Variants in CD74 observed in about 807,000 individuals in gnomAD.
CD74 encodes the protein CD74 molecule.
CD74 carries 20 observed loss-of-function variants against 37.1 expected under a neutral mutation model. The observed-to-expected ratio is 0.54, with a 90% confidence interval of 0.38 to 0.78. CD74 has a LOEUF of 0.78. Ranked by LOEUF, CD74 falls within the 30% of genes least tolerant of loss-of-function variation. The pLI, the probability that CD74 is intolerant of heterozygous loss-of-function variation, is 0.00. For missense variants in CD74, 338 were observed against 389.5 expected (o/e 0.87, Z 1.11); for synonymous variants, 150 against 152.0 (o/e 0.99, Z 0.10).
chr5:150,409,068 A>G (rs570751512), intron 1 of CD74, among the ~76,000 whole-genome samples: 1 of 152,046 alleles, frequency 6.6e-6, no homozygotes, highest in East Asian at 1.9e-4. Context: ...AAAAAATACA[A>G]AAAACTTAGC....
chr5:150,405,297 C>T (rs1029622395), intron 4 of CD74, 117 bp from the exon 5 acceptor site: 34 of 1,427,742 alleles, frequency 2.4e-5, no homozygotes, highest in Non-Finnish European at 2.9e-5. Flanking sequence ...AGAGCTACAC[C>T]AAGCCTAAAC....
In CD74 at chr5:150,401,858, T is replaced by G; in HGVS notation, c.*382A>C. 1.4e-6 allele frequency: 1 copy of G among 689,886 alleles called. No homozygotes were observed. The highest frequency in any genetic ancestry group is 2.7e-5 in the East Asian group (1 of 37,088). The allele number at this position is 689,886 out of a possible 1,614,324, so 42.7% of individuals were successfully genotyped here. On this transcript the variant is annotated 3_prime_UTR_variant, in exon 9 of 9. Coordinates refer to ENST00000009530, the MANE Select transcript of CD74 (RefSeq NM_001025159.3). ...CCAAAGGCTGGAGGGGAGAGGACAG[T>G]CAGCATGTCCAGCCTGGGGTCTGGG... is the stretch of plus-strand genomic sequence containing the variant.
chr5:150,408,145 A>G (rs114146083), intron 1 of CD74, among the ~76,000 whole-genome samples: 3,242 of 152,030 alleles, frequency 0.021, 127 homozygotes, highest in African/African-American at 0.074. Flanking sequence ...AAGTAAGGGG[A>G]AGAGGGTTTT....
chr5:150,408,444 G>A (rs1004882294), intron 1 of CD74, among the ~76,000 whole-genome samples: 4 of 152,200 alleles, frequency 2.6e-5, no homozygotes, highest in African/African-American at 4.8e-5. Flanking sequence ...CCACCTCTGC[G>A]ATTCTAGAAT....
intron 1 of CD74, among the ~76,000 whole-genome samples, chr5:150,408,344 G>A (rs553448701): frequency 6.6e-6 from 1 of 152,146 alleles, no homozygotes; most frequent in African/African-American, 2.4e-5. Flanking sequence ...ACCCACTCTG[G>A]GGCCATCCTC....
chr5:150,407,221 G>A lies in CD74; in HGVS notation c.229C>T (p.Arg77Trp), dbSNP rs142448212. Residue 77 changes from arginine to tryptophan, a missense_variant, in exon 2 of 9, where the codon CGG becomes TGG. By Grantham distance (101) the Arg-to-Trp change is moderately radical (BLOSUM62 -3). Coordinates refer to ENST00000009530, the MANE Select transcript of CD74 (RefSeq NM_001025159.3). The surrounding 1 kb of genome is among the most constrained non-coding windows in gnomAD (Gnocchi z 4.4). The part of the protein sequence containing the change: ...TAYFLYQQQG[R>W]LDKLTVTSQN... ...GAGGTGACTGTCAGTTTGTCCAGCC[G>A]GCCCTGCTGCTGGTACAGGAAGTAG... is the stretch of plus-strand genomic sequence containing the variant. The A allele has an allele frequency of 5.5e-5, 89 of 1,613,868 alleles. 1 individual carries two copies. The Middle Eastern group carries it at 8.2e-4, about 15-fold the overall frequency.
At position 150,406,389 on chromosome 5, in the gene CD74, GGTT is replaced by G. The variant is rs1561552876; in HGVS notation, c.379-71_379-69del. The G allele has an allele frequency of 3.1e-6, 4 of 1,280,044 alleles. No homozygotes were observed. In the Admixed American group the frequency reaches 6.7e-5, roughly 22 times the overall value. 79.3% of individuals were successfully genotyped at this position (1,280,044 alleles called of 1,614,324 possible). ...GAGCAGGGGGTATGGAGCAGGAGCCGGTTGCTGGGATCTAGGTAAGAGACTGGA... is the reference window on the plus strand; with the variant it reads ...GAGCAGGGGGTATGGAGCAGGAGCCGGCTGGGATCTAGGTAAGAGACTGGA... On this transcript the variant is annotated intron_variant, in intron 3 of 8. Transcript: ENST00000009530.
chr5:150,407,156 G>A lies in CD74; in HGVS notation c.294C>T (p.Pro98=). The A allele has an allele frequency of 3.7e-6, 6 of 1,613,674 alleles. No individual in the cohort carries two copies. The South Asian group carries it at 4.4e-5, about 12-fold the overall frequency. The change falls in exon 2 of 9, where the codon CCC becomes CCT. Residue 98 remains proline, a synonymous_variant. Transcript: ENST00000009530. The surrounding 1 kb of genome is among the most constrained non-coding windows in gnomAD (Gnocchi z 4.4). ...AGGATGTAGGGGTGCACGCACGCTT[G>A]GGAAGCTTCATGCGCAGGTTCTCCA... ...LQLENLRMKL[P]KPPKPVSKMR...
Position 150,406,336 on chromosome 5 carries a change from A to G in CD74, c.379-15T>C. On this transcript the variant is annotated splice_polypyrimidine_tract_variant and intron_variant, in intron 3 of 8. Transcript: ENST00000009530. ...TTCTGCATGGGCTGTGGGAGGAAGTAACAGAAGGTTACCAGAGCTGGTCCC... is the reference window on the plus strand; with the variant it reads ...TTCTGCATGGGCTGTGGGAGGAAGTGACAGAAGGTTACCAGAGCTGGTCCC... 6.2e-7 allele frequency: 1 copy of G among 1,610,960 alleles called. No homozygotes were observed. Among genetic ancestry groups the G allele is most frequent in the South Asian group, 1.1e-5 (1 of 91,024 alleles).
At position 150,406,909 on chromosome 5, in the gene CD74, G is replaced by C; in HGVS notation, c.350C>G (p.Ala117Gly). The C allele has an allele frequency of 6.5e-7, 1 of 1,529,462 alleles. No homozygotes were observed. The highest frequency in any genetic ancestry group is 8.7e-7 in the Non-Finnish European group (1 of 1,143,892). 94.7% of individuals were successfully genotyped at this position (1,529,462 alleles called of 1,614,324 possible). A position where few individuals can be genotyped will look rare whatever the true frequency, so the allele number is the denominator to read the frequency against. The change falls in exon 3 of 9, where the codon GCG (alanine) becomes GGG (glycine). Residue 117 changes from alanine to glycine, a missense_variant. By Grantham distance (60) the Ala-to-Gly change is moderately conservative. Transcript: ENST00000009530. ...CTGGGGCAGGGCTCCCATGGGCAGCGCCTGCATCAGCAGCGGGGTGGCCAT... is the reference window on the plus strand; with the variant it reads ...CTGGGGCAGGGCTCCCATGGGCAGCCCCTGCATCAGCAGCGGGGTGGCCAT... ...MRMATPLLMQ[A>G]LPMGALPQGP...
At chr5:150,404,592 G>A (rs2151176478) in intron 6 of CD74, 88 bp downstream of exon 6, 1 of 717,418 alleles carries the variant, frequency 1.4e-6, no homozygotes, top group South Asian at 1.5e-5. Context: ...CTGGGACCAG[G>A]GAGTGCTGGA....
At position 150,403,434 on chromosome 5, in the gene CD74, C is replaced by T. The variant is rs1769763107; in HGVS notation, c.626-122G>A. 9 of 848,622 alleles carry T rather than the reference C, an allele frequency of 1.1e-5. No homozygotes were observed. In the South Asian group the frequency reaches 1.4e-4, roughly 13 times the overall value. The allele number at this position is 848,622 out of a possible 1,614,324, so 52.6% of individuals were successfully genotyped here. A position where few individuals can be genotyped will look rare whatever the true frequency, so the allele number is the denominator to read the frequency against. ...AATGCCTTCTTCCCAAGTGGCTTTA[C>T]TCACTCCAGCCATCACACGGATGGG... On this transcript the variant is annotated intron_variant, in intron 6 of 8. Transcript: ENST00000009530. This position sits in a 1 kb window ranked among gnomAD's most constrained non-coding sequence, Gnocchi z 4.5.
chr5:150,407,366 T>G lies in CD74; in HGVS notation c.126-42A>C. 6.5e-7 allele frequency: 1 copy of G among 1,545,016 alleles called. No individual in the cohort carries two copies. The highest frequency in any genetic ancestry group is 8.8e-7 in the Non-Finnish European group (1 of 1,138,188). Reference sequence around the variant, plus strand: ...GGATAGGTCAGAGGAGGATCCACAGTGGTGGCTGCCCCAAGGGCTGGCTAG... The same window carrying G: ...GGATAGGTCAGAGGAGGATCCACAGGGGTGGCTGCCCCAAGGGCTGGCTAG... On this transcript the variant is annotated intron_variant, in intron 1 of 8. Coordinates refer to ENST00000009530, the MANE Select transcript of CD74 (RefSeq NM_001025159.3). The surrounding 1 kb of genome is among the most constrained non-coding windows in gnomAD (Gnocchi z 4.4).
At chr5:150,409,716 A>AC (rs1280902235) in intron 1 of CD74, among the ~76,000 whole-genome samples, 1 of 150,572 alleles carries the variant, frequency 6.6e-6, no homozygotes, top group African/African-American at 2.4e-5. Flanking sequence ...AAAAAAAAAA[A>AC]AAAAAACAAG....
rs1770016802 is a variant in CD74, at chr5:150,407,139, G to A, written c.298+13C>T. On this transcript the variant is annotated intron_variant, in intron 2 of 8. Transcript: ENST00000009530. This position sits in a 1 kb window ranked among gnomAD's most constrained non-coding sequence, Gnocchi z 4.4. Reference sequence around the variant, plus strand: ...GGGAGGTGGGGGGTATCAGGATGTAGGGGTGCACGCACGCTTGGGAAGCTT... The same window carrying A: ...GGGAGGTGGGGGGTATCAGGATGTAAGGGTGCACGCACGCTTGGGAAGCTT... 4 of 1,612,104 alleles carry A rather than the reference G, an allele frequency of 2.5e-6. No individual in the cohort carries two copies. Among genetic ancestry groups the A allele is most frequent in the Non-Finnish European group, 2.5e-6 (3 of 1,178,708 alleles).
chr5:150,406,193 G>T, intron 4 of CD74, 66 bp downstream of exon 4: 1 of 1,218,186 alleles, frequency 8.2e-7, no homozygotes, highest in Non-Finnish European at 1.2e-6. Flanking sequence ...TACAGGCCTT[G>T]GAGCTTGGCC....
At chr5:150,410,509 TATAA>T (rs1770278203) in intron 1 of CD74, among the ~76,000 whole-genome samples, 1 of 152,260 alleles carries the variant, frequency 6.6e-6, no homozygotes, top group Non-Finnish European at 1.5e-5. Flanking sequence ...GTTAGCACTC[TATAA>T]ATAAATTACA....
chr5:150,405,017 C>G (rs1198071344), intron 5 of CD74, 68 bp downstream of exon 5: 1 of 1,433,756 alleles, frequency 7.0e-7, no homozygotes. Flanking sequence ...ACCCTCACCC[C>G]ACCTCTCCTA....
At chr5:150,405,287 A>ACC in intron 4 of CD74, 107 bp from the exon 5 acceptor site, 1 of 1,463,716 alleles carries the variant, frequency 6.8e-7, no homozygotes. Flanking sequence ...GGAATGGACC[A>ACC]GAGCTACACC....
Sources: gnomAD v4.1 joint callset for allele counts (sites outside exome capture counted in the v4.1 genomes callset) on GRCh38, gnomAD v4.1.1 for gene constraint, Gnocchi (gnomAD v3.1) non-coding constraint, MANE v1.5 for transcripts, NCBI Gene and HGNC (gene_info 2026-07-23, HGNC 2026-07-21) for gene names.